Variants in GCNT2 observed in about 807,000 individuals in gnomAD.
GCNT2 encodes the protein glucosaminyl (N-acetyl) transferase 2 (I blood group), also known as N-acetyllactosaminide beta-1,6-N-acetylglucosaminyl-transferase.
A neutral mutation model predicts 34.2 loss-of-function variants in GCNT2; 34 were observed. The ratio of observed to expected loss-of-function variants is 1.00; its 90% CI spans 0.76 to 1.32. The LOEUF (loss-of-function observed/expected upper bound fraction) is 1.32. Ranked by LOEUF, GCNT2 falls within the 40% of genes most tolerant of loss-of-function variation. The pLI, the probability that GCNT2 is intolerant of heterozygous loss-of-function variation, is 0.00. For missense variants in GCNT2, 584 were observed against 489.4 expected, an observed-to-expected ratio of 1.19 and a Z score of -1.82; for synonymous variants, 212 against 188.0, an observed-to-expected ratio of 1.13 and a Z score of -1.04.
At chr6:10,589,024 TGTATGTGCGTG>T (rs1171490418) in intron 3 of GCNT2, among the ~76,000 whole-genome samples, 1 of 131,120 alleles carries the variant, frequency 7.6e-6, no homozygotes, top group Non-Finnish European at 1.6e-5. Flanking sequence ...GTATATGTGG[TGTATGTGCGTG>T]GTATGTGTAT....
chr6:10,577,409 C>T (rs1763868155), intron 3 of GCNT2, among the ~76,000 whole-genome samples: 1 of 152,240 alleles, frequency 6.6e-6, no homozygotes, highest in South Asian at 2.1e-4. Flanking sequence ...GGGAAATTGG[C>T]AAGATGCTAC....
intron 3 of GCNT2, among the ~76,000 whole-genome samples, chr6:10,606,623 T>TAGTGGTTGA (rs1765323389): frequency 8.4e-6 from 1 of 119,600 alleles, no homozygotes; most frequent in Non-Finnish European, 2.0e-5. Flanking sequence ...AGAAATTTAA[T>TAGTGGTTGA]GGAAATTTCC....
chr6:10,544,603 C>T (rs771334584), intron 3 of GCNT2, among the ~76,000 whole-genome samples: 17 of 150,254 alleles, frequency 1.1e-4, no homozygotes, highest in South Asian at 2.1e-4. Context: ...GACTCCATCT[C>T]AAAAATAAAT....
intron 3 of GCNT2, among the ~76,000 whole-genome samples, chr6:10,620,036 C>A (rs1461970633): frequency 6.6e-6 from 1 of 152,198 alleles, no homozygotes; most frequent in Non-Finnish European, 1.5e-5. Context: ...CCAGATAATT[C>A]AGGATAACCT....
At chr6:10,536,141 T>C (rs777975108) in intron 3 of GCNT2, among the ~76,000 whole-genome samples, 1 of 152,084 alleles carries the variant, frequency 6.6e-6, no homozygotes, top group Non-Finnish European at 1.5e-5. Flanking sequence ...CAAGGTGGTC[T>C]TGGGAACTCA....
At chr6:10,544,494 A>G (rs938840293) in intron 3 of GCNT2, among the ~76,000 whole-genome samples, 1 of 143,666 alleles carries the variant, frequency 7.0e-6, no homozygotes, top group Non-Finnish European at 1.5e-5. Flanking sequence ...AATCCCAGCT[A>G]CTCGGGAGGC....
chr6:10,566,092 T>G (rs1190344194), intron 3 of GCNT2, among the ~76,000 whole-genome samples: 2 of 151,900 alleles, frequency 1.3e-5, no homozygotes, highest in Non-Finnish European at 1.5e-5. Flanking sequence ...GTTCTGCCAC[T>G]CCCAGCCTTC....
At chr6:10,597,928 A>T (rs993791064) in intron 3 of GCNT2, among the ~76,000 whole-genome samples, 24 of 152,220 alleles carry the variant, frequency 1.6e-4, no homozygotes, top group Admixed American at 1.2e-3. Flanking sequence ...TTCTTTTTTT[A>T]AAAAAGTGCT....
chr6:10,571,342 A>AATTATT (rs151274369), intron 3 of GCNT2, among the ~76,000 whole-genome samples: 3 of 151,662 alleles, frequency 2.0e-5, no homozygotes, highest in Non-Finnish European at 4.4e-5. Flanking sequence ...TGATCATGAT[A>AATTATT]ATTATTATTA....
intron 3 of GCNT2, among the ~76,000 whole-genome samples, chr6:10,531,437 TG>T (rs1336868099): frequency 6.6e-6 from 1 of 152,230 alleles, no homozygotes; most frequent in Non-Finnish European, 1.5e-5. Flanking sequence ...TACGATCATC[TG>T]GGGCTTCTAA....
Position 10,589,191 on chromosome 6 carries a change from G to A in GCNT2, c.926-32160G>A, listed in dbSNP as rs570865026. ...TGTGTGTGTGGTGTATGTGCGTCATGTGTGTATGGTGTGTGTGGTGTGTGT... is the reference window on the plus strand; with the variant it reads ...TGTGTGTGTGGTGTATGTGCGTCATATGTGTATGGTGTGTGTGGTGTGTGT... On this transcript the variant is annotated intron_variant, in intron 3 of 4. Transcript: ENST00000495262. Among the ~76,000 whole-genome samples the A allele has an allele frequency of 4.8e-4, 68 of 142,440 alleles. 2 individuals are homozygous for A. In the South Asian group the frequency reaches 0.014, roughly 28 times the overall value. 93.4% of individuals were successfully genotyped at this position (142,440 alleles called of 152,430 possible). A position where few individuals can be genotyped will look rare whatever the true frequency, so the allele number is the denominator to read the frequency against.
chr6:10,626,671 G>A lies in GCNT2; in HGVS notation c.*64G>A. The stretch of plus-strand genomic sequence containing the variant: ...GCTGGGAAGAGGAGCCTGTTTTTGT[G>A]AGAGACTTTTGCCTTCGTAATGTTA... On this transcript the variant is annotated 3_prime_UTR_variant, in exon 5 of 5. Transcript: ENST00000495262. 7.9e-7 allele frequency: 1 copy of A among 1,269,140 alleles called. No individual in the cohort carries two copies. The allele number at this position is 1,269,140 out of a possible 1,614,324, so 78.6% of individuals were successfully genotyped here.
At position 10,528,791 on chromosome 6, in the gene GCNT2, C is replaced by G; in HGVS notation, c.-121C>G. ...GTGAACTGAAGGGACAGGGAACAGC[C>G]AGACGAGAGCTTCAGCCATCACGAG... On this transcript the variant is annotated 5_prime_UTR_variant, in exon 3 of 5. Transcript: ENST00000495262. 2.5e-6 allele frequency: 2 copies of G among 811,014 alleles called. No homozygotes were observed. Among genetic ancestry groups the G allele is most frequent in the Non-Finnish European group, 4.3e-6 (2 of 467,828 alleles). 50.2% of individuals were successfully genotyped at this position (811,014 alleles called of 1,614,324 possible).
chr6:10,553,240 C>G (rs1157323230), intron 3 of GCNT2, among the ~76,000 whole-genome samples: 1 of 152,216 alleles, frequency 6.6e-6, no homozygotes, highest in Non-Finnish European at 1.5e-5. Flanking sequence ...CTGGCACGCC[C>G]TGCCTGGAGG....
At chr6:10,524,857 GAAAGA>G (rs952591603) in intron 1 of GCNT2, among the ~76,000 whole-genome samples, 27 of 146,500 alleles carry the variant, frequency 1.8e-4, no homozygotes, top group Non-Finnish European at 3.8e-4. Flanking sequence ...GAAAAGGAAA[GAAAGA>G]AAAGAAAAAG....
In GCNT2 at chr6:10,626,611, A is replaced by T; in HGVS notation, c.*4A>T. The T allele has an allele frequency of 1.2e-6, 2 of 1,608,544 alleles. No homozygotes were observed. Among genetic ancestry groups the T allele is most frequent in the Non-Finnish European group, 1.7e-6 (2 of 1,174,916 alleles). Reference sequence around the variant, plus strand: ...ACAACCCAGCTGGTATTTTTGAGCTATTCATGAGCTACTCATGACTGAAGG... The same window carrying T: ...ACAACCCAGCTGGTATTTTTGAGCTTTTCATGAGCTACTCATGACTGAAGG... On this transcript the variant is annotated 3_prime_UTR_variant, in exon 5 of 5. Transcript: ENST00000495262.
At chr6:10,577,160 C>G (rs1049499001) in intron 3 of GCNT2, among the ~76,000 whole-genome samples, 1 of 152,228 alleles carries the variant, frequency 6.6e-6, no homozygotes, top group Non-Finnish European at 1.5e-5. Context: ...TTTGGCCTAG[C>G]AACTTTACCT....
At chr6:10,607,555 TC>T (rs1256217554) in intron 3 of GCNT2, among the ~76,000 whole-genome samples, 4 of 152,094 alleles carry the variant, frequency 2.6e-5, no homozygotes, top group Non-Finnish European at 2.9e-5. Context: ...GGGACACAGA[TC>T]CAGACCATTT....
intron 3 of GCNT2, among the ~76,000 whole-genome samples, chr6:10,537,214 C>T (rs1264356870): frequency 6.6e-6 from 1 of 152,190 alleles, no homozygotes; most frequent in Non-Finnish European, 1.5e-5. Flanking sequence ...TGCAAGTGAT[C>T]TTATCTTTGC....
Sources: gnomAD v4.1 joint callset for allele counts (sites outside exome capture counted in the v4.1 genomes callset) on GRCh38, gnomAD v4.1.1 for gene constraint, MANE v1.5 for transcripts, NCBI Gene and HGNC (gene_info 2026-07-23, HGNC 2026-07-21) for gene names.